The following IFT74 variants were observed in gnomAD, a reference collection of about 807,000 sequenced individuals.
IFT74 encodes the protein intraflagellar transport 74.
A neutral mutation model predicts 96.7 loss-of-function variants in IFT74; 92 were observed. The ratio of observed to expected loss-of-function variants is 0.95; its 90% CI spans 0.80 to 1.13. IFT74 has a LOEUF of 1.13. Ranked by LOEUF, IFT74 falls within the 50% of genes most tolerant of loss-of-function variation. The pLI is 0.00. For synonymous variants in IFT74, 223 were observed against 213.2 expected, an observed-to-expected ratio of 1.05 and a Z score of -0.40; for missense variants, 811 against 698.2, an observed-to-expected ratio of 1.16 and a Z score of -1.82.
At chr9:26,997,979 C>G in intron 8 of IFT74, 1 of 1,613,840 alleles carries the variant, frequency 6.2e-7, no homozygotes, top group Non-Finnish European at 8.5e-7. Context: ...TAAAAATGCA[C>G]CCTGTTGAAT....
chr9:27,002,288 T>C (rs1188487814), intron 8 of IFT74, among the ~76,000 whole-genome samples: 1 of 152,250 alleles, frequency 6.6e-6, no homozygotes, highest in Non-Finnish European at 1.5e-5. Flanking sequence ...TGTGCCACTT[T>C]CATGCGGGTC....
intron 16 of IFT74, among the ~76,000 whole-genome samples, chr9:27,054,720 C>T (rs1181714449): frequency 6.6e-6 from 1 of 152,170 alleles, no homozygotes; most frequent in Non-Finnish European, 1.5e-5. Context: ...GCCTGACATG[C>T]ACATTGCCAA....
intron 1 of IFT74, among the ~76,000 whole-genome samples, chr9:26,949,564 C>T (rs764943485): frequency 6.6e-6 from 1 of 152,132 alleles, no homozygotes; most frequent in Non-Finnish European, 1.5e-5. Flanking sequence ...TGTAATTTCA[C>T]ATTTCCCTGT....
chr9:26,980,603 T>C lies in IFT74; in HGVS notation c.289T>C (p.Tyr97His). Residue 97 changes from tyrosine (Y) to histidine (H), a missense_variant, in exon 4 of 20, where the codon TAT (tyrosine) becomes CAT (histidine). Coordinates refer to ENST00000380062, the MANE Select transcript of IFT74 (RefSeq NM_025103.4). ...PQRQILDKSY[Y>H]LGLLRSKISE... is the part of the protein sequence containing the mutation. ...GAGGCAAATTTTAGACAAATCTTAC[T>C]ATCTTGGGCTTCTTAGGTATGTTAA... 1 of 1,603,064 alleles carries C rather than the reference T, an allele frequency of 6.2e-7. No homozygotes were observed. Among genetic ancestry groups the C allele is most frequent in the Non-Finnish European group, 8.5e-7 (1 of 1,170,388 alleles).
intron 17 of IFT74, 138 bp from the exon 18 acceptor site, chr9:27,056,196 T>A (rs1472988433): frequency 1.6e-6 from 1 of 636,516 alleles, no homozygotes; most frequent in Non-Finnish European, 2.6e-6. Context: ...AAGGATATTT[T>A]TACAAACGGG....
chr9:27,051,661 A>G (rs995453881), intron 16 of IFT74, among the ~76,000 whole-genome samples: 1 of 152,232 alleles, frequency 6.6e-6, no homozygotes, highest in African/African-American at 2.4e-5. Flanking sequence ...ACCTCATATA[A>G]ATGAAGTCAT....
chr9:27,060,818 C>T (rs1054388980), intron 19 of IFT74, 167 bp downstream of exon 19: 7 of 404,938 alleles, frequency 1.7e-5, no homozygotes, highest in South Asian at 4.2e-5. Context: ...AAAACATAGC[C>T]GGGCGTGGTG....
At chr9:26,953,192 T>C (rs1050568579), upstream of IFT74, among the ~76,000 whole-genome samples, 3 of 152,288 alleles carry the variant, frequency 2.0e-5, no homozygotes, top group East Asian at 3.9e-4. Flanking sequence ...GAAGGTTTTT[T>C]TCCCCCTTCA....
At chr9:27,020,704 G>C (rs1433896676) in intron 12 of IFT74, among the ~76,000 whole-genome samples, 3 of 152,082 alleles carry the variant, frequency 2.0e-5, no homozygotes, top group African/African-American at 7.2e-5. Context: ...TCGATCTCCT[G>C]ACCTCGTGAT....
In IFT74 at chr9:27,018,642, T is replaced by C; in HGVS notation, c.934-5T>C. The C allele has an allele frequency of 6.7e-7, 1 of 1,492,058 alleles. No homozygotes were observed. The highest frequency in any genetic ancestry group is 1.8e-5 in the Admixed American group (1 of 56,670). 92.4% of individuals were successfully genotyped at this position (1,492,058 alleles called of 1,614,324 possible). ...AAATACTACTTTCTTTTTATGCCTT[T>C]GTAGATTAAAGATGATAATCAGGAA... is the stretch of plus-strand genomic sequence containing the variant. On this transcript the variant is annotated splice_region_variant and splice_polypyrimidine_tract_variant and intron_variant, in intron 11 of 19. Coordinates refer to ENST00000380062, the MANE Select transcript of IFT74 (RefSeq NM_025103.4).
chr9:26,969,750 G>C, intron 2 of IFT74, among the ~76,000 whole-genome samples: 1 of 152,006 alleles, frequency 6.6e-6, no homozygotes, highest in East Asian at 1.9e-4. Context: ...TATAAGAACT[G>C]TGAGTTTAAT....
chr9:27,014,790 G>A (rs1184919637), intron 10 of IFT74, among the ~76,000 whole-genome samples: 2 of 152,130 alleles, frequency 1.3e-5, no homozygotes, highest in Admixed American at 6.5e-5. Flanking sequence ...TGTATTTTTA[G>A]TAGAGACAGG....
intron 13 of IFT74, 118 bp from the exon 14 acceptor site, chr9:27,044,624 T>C (rs987742470): frequency 1.4e-5 from 8 of 591,014 alleles, no homozygotes; most frequent in Non-Finnish European, 2.4e-5. Context: ...TTTCACCTAA[T>C]CGAACACGTC....
chr9:27,023,583 T>C (rs939746715), intron 12 of IFT74, among the ~76,000 whole-genome samples: 1 of 152,200 alleles, frequency 6.6e-6, no homozygotes, highest in Admixed American at 6.5e-5. Flanking sequence ...GATTTTTGCC[T>C]CTAAGTTCAT....
At chr9:27,011,645 G>GTTTTT (rs56762171) in intron 9 of IFT74, among the ~76,000 whole-genome samples, 1 of 133,652 alleles carries the variant, frequency 7.5e-6, no homozygotes, top group Admixed American at 7.6e-5. Context: ...AACTCATGAA[G>GTTTTT]TTTTTTTTTT....
chr9:27,055,821 C>T (rs772290211), intron 17 of IFT74, 49 bp downstream of exon 17: 7 of 1,232,942 alleles, frequency 5.7e-6, no homozygotes, highest in Non-Finnish European at 7.7e-6. Context: ...TTGTTTTTTT[C>T]TTGATCAAAT....
intron 12 of IFT74, among the ~76,000 whole-genome samples, chr9:27,024,375 C>T (rs1177114187): frequency 1.3e-5 from 2 of 152,146 alleles, no homozygotes; most frequent in African/African-American, 4.8e-5. Context: ...AAGCCCAGAG[C>T]CCGGTAGCTC....
At chr9:27,032,820 C>G (rs1313118296) in intron 13 of IFT74, among the ~76,000 whole-genome samples, 1 of 151,556 alleles carries the variant, frequency 6.6e-6, no homozygotes, top group African/African-American at 2.4e-5. Context: ...AAGCCAAGAT[C>G]GCGCCACTGC....
At chr9:26,992,069 A>C (rs947379988) in intron 8 of IFT74, among the ~76,000 whole-genome samples, 2 of 152,152 alleles carry the variant, frequency 1.3e-5, no homozygotes, top group Non-Finnish European at 2.9e-5. Flanking sequence ...ATAAGCTATA[A>C]TCCCCTGAAG....
Sources: gnomAD v4.1 joint callset for allele counts (sites outside exome capture counted in the v4.1 genomes callset) on GRCh38, gnomAD v4.1.1 for gene constraint, MANE v1.5 for transcripts, NCBI Gene and HGNC (gene_info 2026-07-23, HGNC 2026-07-21) for gene names.